Variants in WASHC5 observed in about 807,000 individuals in gnomAD.
The protein encoded by WASHC5 is WASH complex subunit 5.
A neutral mutation model predicts 150.4 loss-of-function variants in WASHC5; 101 were observed. The observed-to-expected ratio is 0.67, with a 90% CI of 0.57 to 0.79. The LOEUF is 0.79. Among genes scored for constraint, WASHC5 ranks in the 30% least tolerant of loss-of-function variants. The pLI, the probability that WASHC5 is intolerant of heterozygous loss-of-function variation, is 0.00. For missense variants in WASHC5, 1,195 were observed against 1,396.3 expected (o/e 0.86, Z 2.30); for synonymous variants, 467 against 491.2 (o/e 0.95, Z 0.65).
intron 1 of WASHC5, among the ~76,000 whole-genome samples, chr8:125,091,075 C>G (rs1298700396): frequency 4.0e-5 from 6 of 151,836 alleles, no homozygotes; most frequent in Admixed American, 1.3e-4. Context: ...TTTTTTCTTT[C>G]TCCTGTCCGA....
rs1192044112 is a variant in WASHC5 at position 125,067,771 on chromosome 8, T to C, written c.1151-52A>G. On this transcript the variant is annotated intron_variant, in intron 9 of 28. Coordinates refer to ENST00000318410, the MANE Select transcript of WASHC5 (RefSeq NM_014846.4). ...TTACTAAATGTGTAGAAAATATCTA[T>C]GAAATAAGATAAATTATTAAATATT... The C allele has an allele frequency of 2.6e-6, 4 of 1,565,360 alleles. No homozygotes were observed. The South Asian group carries it at 3.4e-5, about 13-fold the overall frequency.
chr8:125,056,531 T>TA, intron 16 of WASHC5, 146 bp downstream of exon 16: 1 of 908,624 alleles, frequency 1.1e-6, no homozygotes, highest in Non-Finnish European at 1.8e-6. Context: ...ACTAAAATCA[T>TA]AAAACGCGTT....
chr8:125,066,108 T>C (rs536357670), intron 10 of WASHC5, among the ~76,000 whole-genome samples: 9 of 152,292 alleles, frequency 5.9e-5, no homozygotes, highest in African/African-American at 1.7e-4. Context: ...TTCCAGCACC[T>C]GGCAAAGAAC....
chr8:125,060,520 G>A (rs1165151473), intron 12 of WASHC5, among the ~76,000 whole-genome samples: 1 of 151,232 alleles, frequency 6.6e-6, no homozygotes, highest in Non-Finnish European at 1.5e-5. Flanking sequence ...TTATTTTTCT[G>A]CTGCTTTTAG....
chr8:125,073,812 C>A (rs867399961), intron 8 of WASHC5, among the ~76,000 whole-genome samples: 5 of 152,196 alleles, frequency 3.3e-5, no homozygotes, highest in East Asian at 1.9e-4. Flanking sequence ...TGGGGCTTAA[C>A]CCCTGTGTAT....
At chr8:125,061,602 A>G (rs1487794645) in intron 11 of WASHC5, among the ~76,000 whole-genome samples, 1 of 152,176 alleles carries the variant, frequency 6.6e-6, no homozygotes, top group African/African-American at 2.4e-5. Context: ...ACACAGGCAG[A>G]GGCTTCAGGG....
chr8:125,028,597 G>A (rs1200274453), intron 28 of WASHC5, 23 bp downstream of exon 28: 1 of 1,515,898 alleles, frequency 6.6e-7, no homozygotes, highest in Non-Finnish European at 9.2e-7. Context: ...TATTAATATT[G>A]TTCTTTACTA....
chr8:125,089,040 GT>G (rs1435252755), intron 1 of WASHC5, among the ~76,000 whole-genome samples: 2 of 152,174 alleles, frequency 1.3e-5, no homozygotes, highest in Admixed American at 1.3e-4. Flanking sequence ...AAGGTACCCT[GT>G]AATACACATT....
chr8:125,079,122 A>ATG (rs1563634397), intron 5 of WASHC5, among the ~76,000 whole-genome samples, 192 bp from the exon 6 acceptor site: 8 of 116,030 alleles, frequency 6.9e-5, no homozygotes, highest in Non-Finnish European at 5.0e-5. Context: ...GTGTGTATAT[A>ATG]TATATATATA....
intron 1 of WASHC5, among the ~76,000 whole-genome samples, chr8:125,091,296 A>G (rs1400502288): frequency 6.6e-6 from 1 of 152,048 alleles, no homozygotes; most frequent in Non-Finnish European, 1.5e-5. Context: ...CTAGCCTTTC[A>G]GTTTTCTCAA....
chr8:125,084,293 G>A (rs1817355278), intron 1 of WASHC5, among the ~76,000 whole-genome samples: 1 of 152,168 alleles, frequency 6.6e-6, no homozygotes, highest in Non-Finnish European at 1.5e-5. Context: ...TAGGGAGAAG[G>A]AACCACTGGG....
intron 18 of WASHC5, 83 bp from the exon 19 acceptor site, chr8:125,049,268 A>G: frequency 1.4e-6 from 2 of 1,471,060 alleles, no homozygotes; most frequent in South Asian, 1.1e-5. Flanking sequence ...GACTTTAAAT[A>G]GTATAGCAGG....
chr8:125,078,056 T>C (rs987202298), intron 6 of WASHC5, among the ~76,000 whole-genome samples: 1 of 152,328 alleles, frequency 6.6e-6, no homozygotes, highest in Admixed American at 6.5e-5. Context: ...ACTCCCTAAT[T>C]ATAATTTTTA....
Position 125,083,695 on chromosome 8 carries a change from G to C in WASHC5, c.186+18C>G. 4 of 1,572,852 alleles carry C rather than the reference G, an allele frequency of 2.5e-6. No individual in the cohort carries two copies. The highest frequency in any genetic ancestry group is 3.5e-6 in the Non-Finnish European group (4 of 1,144,392). ...TTGTAGAAAAGACAACAATAAAAAT[G>C]CTATAGAGGAAGATTACCTTAAAAT... On this transcript the variant is annotated intron_variant, in intron 2 of 28. Transcript: ENST00000318410.
rs1307771879 is a variant in WASHC5, at chr8:125,037,270, G to A, written c.3148C>T (p.Gln1050Ter). 6.2e-7 allele frequency: 1 copy of A among 1,611,982 alleles called. No homozygotes were observed. The highest frequency in any genetic ancestry group is 1.1e-5 in the South Asian group (1 of 91,002). Reference sequence around the variant, plus strand: ...TTGTTGTATTGAAGTTTTGGCAACTGAGCGATCAAAAATAGAAAGTTTACA... The same window carrying A: ...TTGTTGTATTGAAGTTTTGGCAACTAAGCGATCAAAAATAGAAAGTTTACA... ...PIVNFLFLIA[Q>*]LPKLQYNKNL... is the part of the protein sequence containing the mutation. The change falls in exon 26 of 29, where the codon CAG (glutamine) becomes TAG (stop). Residue 1050 changes from glutamine to a stop codon, truncating the protein, a stop_gained. Transcript: ENST00000318410. LOFTEE classifies it high-confidence loss of function.
rs1393323434 is a variant in WASHC5 at position 125,059,389 on chromosome 8, G to C, written c.1675C>G (p.Gln559Glu). Residue 559 changes from glutamine (Q) to glutamate (E), a missense_variant, in exon 13 of 29, where the codon CAG becomes GAG. Gln to Glu is a conservative substitution (Grantham distance 29). This residue lies in a region of WASHC5 where 997 missense variants were observed against 1,168.1 expected (regional missense o/e 0.85). Transcript: ENST00000318410. ...TGCCTACATTACCTGTCAATCAACT[G>C]CCAAGCGAAAGAAAGGTCCCCAACG... is the stretch of plus-strand genomic sequence containing the variant. ...QIVGDLSFAW[Q>E]LIDSFTSIMQ... 6.2e-7 allele frequency: 1 copy of C among 1,614,008 alleles called. No homozygotes were observed. The highest frequency in any genetic ancestry group is 1.3e-5 in the African/African-American group (1 of 74,908).
Position 125,067,694 on chromosome 8 carries a change from A to G in WASHC5, c.1176T>C (p.Leu392=). 6.2e-7 allele frequency: 1 copy of G among 1,613,926 alleles called. No homozygotes were observed. The highest frequency in any genetic ancestry group is 8.5e-7 in the Non-Finnish European group (1 of 1,179,860). The change falls in exon 10 of 29, where the codon CTT becomes CTC. Residue 392 remains leucine (L), a synonymous_variant. Transcript: ENST00000318410. ...TTAGAATCTGGTCCTTGATTTGACGAAGGCGTTTGTTGTTTGGGTCACAGG... is the reference window on the plus strand; with the variant it reads ...TTAGAATCTGGTCCTTGATTTGACGGAGGCGTTTGTTGTTTGGGTCACAGG... ...DSACDPNNKR[L]RQIKDQILTD...
At chr8:125,081,381 G>T (rs963100062) in intron 5 of WASHC5, among the ~76,000 whole-genome samples, 8 of 151,882 alleles carry the variant, frequency 5.3e-5, no homozygotes, top group African/African-American at 1.9e-4. Context: ...GGAATTACAG[G>T]CGCCCACCAC....
rs185365492 is a variant in WASHC5, at chr8:125,073,379, A to T, written c.979-55T>A. 4 of 1,411,522 alleles carry T rather than the reference A, an allele frequency of 2.8e-6. No individual in the cohort carries two copies. The Admixed American group carries it at 6.8e-5, about 24-fold the overall frequency. The allele number at this position is 1,411,522 out of a possible 1,614,324, so 87.4% of individuals were successfully genotyped here. A position where few individuals can be genotyped will look rare whatever the true frequency, so the allele number is the denominator to read the frequency against. Reference sequence around the variant, plus strand: ...TAAAAAGTCATTTATCTTGAAAATAAATCACATTCAAATGAATTCACTGAC... The same window carrying T: ...TAAAAAGTCATTTATCTTGAAAATATATCACATTCAAATGAATTCACTGAC... On this transcript the variant is annotated intron_variant, in intron 8 of 28. Transcript: ENST00000318410.
Sources: allele counts gnomAD v4.1 joint callset (sites outside exome capture counted in the v4.1 genomes callset), GRCh38; gene constraint gnomAD v4.1.1; regional missense constraint gnomAD v4.1.1; transcripts MANE v1.5; gene names NCBI Gene and HGNC (gene_info 2026-07-23, HGNC 2026-07-21).